Variants in CELF4 observed in about 807,000 individuals in gnomAD.
The protein encoded by CELF4 is CUGBP Elav-like family member 4.
Under a neutral mutation model 59.9 loss-of-function variants are expected in CELF4, and 18 were observed. That is an observed-to-expected ratio of 0.30 (90% CI 0.21 to 0.45). The LOEUF is 0.45. CELF4 is among the 20% of genes least tolerant of loss of function. The pLI is 1.00. For synonymous variants in CELF4, 261 were observed against 267.1 expected, an observed-to-expected ratio of 0.98 and a Z score of 0.22; for missense variants, 456 against 689.0, an observed-to-expected ratio of 0.66 and a Z score of 3.79.
At chr18:37,406,406 G>T (rs979711307) in intron 2 of CELF4, among the ~76,000 whole-genome samples, 6 of 152,146 alleles carry the variant, frequency 3.9e-5, no homozygotes, top group African/African-American at 7.2e-5. Flanking sequence ...AGGTCTCTCT[G>T]CCTCCCACAT....
chr18:37,524,365 G>A (rs189635973), intron 1 of CELF4, among the ~76,000 whole-genome samples: 113 of 152,288 alleles, frequency 7.4e-4, no homozygotes, highest in African/African-American at 1.9e-3. Flanking sequence ...CCAACCCGAG[G>A]AATAAGGAGT....
chr18:37,360,510 A>G (rs1440195020), intron 2 of CELF4, among the ~76,000 whole-genome samples: 2 of 152,192 alleles, frequency 1.3e-5, no homozygotes, highest in Non-Finnish European at 1.5e-5. Context: ...CGCCCTTCAC[A>G]TGACAAGCAG....
intron 2 of CELF4, among the ~76,000 whole-genome samples, chr18:37,437,311 TG>T (rs1389197740): frequency 6.6e-6 from 1 of 152,218 alleles, no homozygotes; most frequent in Non-Finnish European, 1.5e-5. Context: ...TGATGGGGAC[TG>T]GGTGAGGATG....
At chr18:37,357,978 A>G (rs112003653) in intron 2 of CELF4, among the ~76,000 whole-genome samples, 17,594 of 152,216 alleles carry the variant, frequency 0.12, 1,090 homozygotes, top group Middle Eastern at 0.15. Flanking sequence ...TTGATTTTAC[A>G]GGCTCACAGG....
intron 2 of CELF4, 82 bp downstream of exon 2, chr18:37,485,441 CCG>C (rs2099879131): frequency 1.8e-5 from 15 of 835,156 alleles, no homozygotes; most frequent in Non-Finnish European, 2.3e-5. Context: ...CGTCCTCTCC[CCG>C]CGCGCCGCGC....
chr18:37,387,634 C>A (rs2099113567), intron 2 of CELF4, among the ~76,000 whole-genome samples: 1 of 152,212 alleles, frequency 6.6e-6, no homozygotes, highest in African/African-American at 2.4e-5. Flanking sequence ...CTTTTTCTGG[C>A]CTCAGGAGGC....
intron 1 of CELF4, among the ~76,000 whole-genome samples, chr18:37,543,702 T>G (rs2099979342): frequency 6.6e-6 from 1 of 152,234 alleles, no homozygotes; most frequent in Non-Finnish European, 1.5e-5. Context: ...GTCCTCTTCT[T>G]GCTACATTGT....
intron 1 of CELF4, among the ~76,000 whole-genome samples, chr18:37,552,344 G>T (rs1040331014): frequency 1.3e-5 from 2 of 152,230 alleles, no homozygotes; most frequent in African/African-American, 4.8e-5. Flanking sequence ...GGGCTTTCCT[G>T]CAGGGGGCCA....
chr18:37,464,948 C>A (rs1166424593), intron 2 of CELF4, among the ~76,000 whole-genome samples: 1 of 152,178 alleles, frequency 6.6e-6, no homozygotes, highest in East Asian at 1.9e-4. Flanking sequence ...TGAGGAGTCT[C>A]CTTGGGTCTC....
rs533011864 is a variant in CELF4, at chr18:37,410,026, A to G, written c.369+75499T>C. Among the ~76,000 whole-genome samples, 7 of 152,244 alleles carry G rather than the reference A, an allele frequency of 4.6e-5. No homozygotes were observed. The East Asian group carries it at 1.4e-3, about 29-fold the overall frequency. On this transcript the variant is annotated intron_variant, in intron 2 of 12. Transcript: ENST00000420428. ...GGGATGAGAAAGGCCAATGAGAATGATGGAGGCGGAGACGGCCTCAGGGCC... is the reference window on the plus strand; with the variant it reads ...GGGATGAGAAAGGCCAATGAGAATGGTGGAGGCGGAGACGGCCTCAGGGCC...
At chr18:37,333,884 A>G (rs1201103272) in intron 2 of CELF4, among the ~76,000 whole-genome samples, 2 of 152,040 alleles carry the variant, frequency 1.3e-5, no homozygotes, top group Non-Finnish European at 2.9e-5. Flanking sequence ...ATTGGATGGC[A>G]CAGCAACATG....
intron 2 of CELF4, among the ~76,000 whole-genome samples, chr18:37,406,097 G>A (rs967459088): frequency 6.6e-6 from 1 of 151,958 alleles, no homozygotes; most frequent in African/African-American, 2.4e-5. Context: ...AAACTGCCTC[G>A]CTGAGTTGTT....
intron 2 of CELF4, among the ~76,000 whole-genome samples, chr18:37,483,546 T>G (rs2099875040): frequency 6.6e-6 from 1 of 152,212 alleles, no homozygotes. Context: ...CGTTTCTTTT[T>G]GCCCTTTCCC....
At chr18:37,552,112 C>T (rs1210840190) in intron 1 of CELF4, among the ~76,000 whole-genome samples, 3 of 152,246 alleles carry the variant, frequency 2.0e-5, no homozygotes, top group South Asian at 2.1e-4. Flanking sequence ...TACCTGACTA[C>T]TTATCTTTCG....
At chr18:37,473,527 TC>T (rs2099840145) in intron 2 of CELF4, 1 of 152,158 alleles carries the variant, frequency 6.6e-6, no homozygotes, top group Non-Finnish European at 1.5e-5. Context: ...TTTATTCCCT[TC>T]CCCCTTATGA....
At chr18:37,359,106 A>C (rs1235701526) in intron 2 of CELF4, among the ~76,000 whole-genome samples, 1 of 151,144 alleles carries the variant, frequency 6.6e-6, no homozygotes, top group Admixed American at 6.6e-5. Flanking sequence ...CAAAAAAAAC[A>C]AAACAAAACA....
intron 2 of CELF4, among the ~76,000 whole-genome samples, chr18:37,343,029 G>A (rs754684208): frequency 2.0e-4 from 31 of 152,282 alleles, no homozygotes; most frequent in Non-Finnish European, 8.8e-5. Flanking sequence ...ACGTGTGGGC[G>A]GCAGGTAGAT....
At chr18:37,542,297 AG>A (rs1272008790) in intron 1 of CELF4, among the ~76,000 whole-genome samples, 1 of 152,254 alleles carries the variant, frequency 6.6e-6, no homozygotes, top group African/African-American at 2.4e-5. Flanking sequence ...AGCTGTAAAC[AG>A]AAGCAATAAA....
At chr18:37,489,392 G>A (rs1395340597) in intron 1 of CELF4, among the ~76,000 whole-genome samples, 1 of 152,194 alleles carries the variant, frequency 6.6e-6, no homozygotes, top group Non-Finnish European at 1.5e-5. Flanking sequence ...GCTGTGGATG[G>A]TGAGAGGCCT....
Sources: allele counts gnomAD v4.1 joint callset (sites outside exome capture counted in the v4.1 genomes callset), GRCh38; gene constraint gnomAD v4.1.1; transcripts MANE v1.5; gene names NCBI Gene and HGNC (gene_info 2026-07-23, HGNC 2026-07-21).